Variants in KIF16B observed in about 807,000 individuals in gnomAD.
KIF16B encodes the protein kinesin family member 16B, also known as kinesin-like protein KIF16B.
A neutral mutation model predicts 156.3 loss-of-function variants in KIF16B; 98 were observed. The ratio of observed to expected loss-of-function variants is 0.63; its 90% confidence interval spans 0.53 to 0.74. The LOEUF (loss-of-function observed/expected upper bound fraction) is 0.74. Among genes scored for constraint, KIF16B ranks in the 30% least tolerant of loss-of-function variants. The pLI is 0.00. For missense variants in KIF16B, 1,421 were observed against 1,606.5 expected (o/e 0.88, Z 1.97); for synonymous variants, 564 against 583.7 (o/e 0.97, Z 0.49).
intron 10 of KIF16B, among the ~76,000 whole-genome samples, chr20:16,503,528 G>A (rs76340076): frequency 0.017 from 2,555 of 152,214 alleles, 34 homozygotes; most frequent in Middle Eastern, 0.027. Flanking sequence ...ATCCCACGTG[G>A]AAAGCACTGC....
intron 17 of KIF16B, among the ~76,000 whole-genome samples, chr20:16,392,478 T>G (rs1411587189): frequency 6.6e-6 from 1 of 152,156 alleles, no homozygotes; most frequent in East Asian, 1.9e-4. Flanking sequence ...GAAGGGAAAC[T>G]TGAAGATGCA....
At chr20:16,316,243 G>A (rs184846286) in intron 24 of KIF16B, among the ~76,000 whole-genome samples, 1 of 152,232 alleles carries the variant, frequency 6.6e-6, no homozygotes, top group East Asian at 1.9e-4. Flanking sequence ...TGCGTTATCT[G>A]CCAAGTAAAA....
intron 17 of KIF16B, among the ~76,000 whole-genome samples, chr20:16,393,090 C>A (rs932701766): frequency 1.3e-5 from 2 of 152,106 alleles, no homozygotes; most frequent in Non-Finnish European, 2.9e-5. Context: ...AACTGTATAT[C>A]TAGTGCAATC....
At chr20:16,367,520 G>A in intron 22 of KIF16B, 1 of 1,612,888 alleles carries the variant, frequency 6.2e-7, no homozygotes, top group Non-Finnish European at 8.5e-7. Flanking sequence ...GTGTTCAGAA[G>A]GACTAGCGAC....
At chr20:16,392,556 G>GC (rs1385701245) in intron 17 of KIF16B, among the ~76,000 whole-genome samples, 7 of 152,204 alleles carry the variant, frequency 4.6e-5, no homozygotes, top group African/African-American at 1.7e-4. Flanking sequence ...GAAGAGCTTT[G>GC]CAAGTCCACC....
At chr20:16,293,738 T>C (rs2063344497) in intron 25 of KIF16B, among the ~76,000 whole-genome samples, 2 of 152,114 alleles carry the variant, frequency 1.3e-5, no homozygotes, top group African/African-American at 4.8e-5. Flanking sequence ...GCTGTATTTA[T>C]GAAACACCTG....
In KIF16B at chr20:16,561,184, C is replaced by T. The variant is rs185220528; in HGVS notation, c.47+12045G>A. Among the ~76,000 whole-genome samples the T allele has an allele frequency of 2.6e-4, 40 of 152,138 alleles. No homozygotes were observed. In the East Asian group the frequency reaches 7.8e-3, roughly 29 times the overall value. ...TGGCGGGTATCTGTAATGCCAGCTA[C>T]TCAAGAGGCTGAGGCATAAGAATTG... On this transcript the variant is annotated intron_variant, in intron 1 of 25. Coordinates refer to ENST00000354981, the MANE Select transcript of KIF16B (RefSeq NM_024704.5).
At position 16,547,738 on chromosome 20, in the gene KIF16B, G is replaced by C. The variant is rs73244227; in HGVS notation, c.48-19298C>G. On this transcript the variant is annotated intron_variant, in intron 1 of 25. Transcript: ENST00000354981. The stretch of plus-strand genomic sequence containing the variant: ...AGAAATAGCAACACTCTAAACACAT[G>C]CATTATTTTCATTTTGCTGTCATCC... Among the ~76,000 whole-genome samples the C allele has an allele frequency of 3.7e-3, 557 of 152,286 alleles. 2 individuals carry two copies. The highest frequency in any genetic ancestry group is 0.013 in the African/African-American group (539 of 41,556).
chr20:16,414,170 T>C (rs2066029174), intron 15 of KIF16B, among the ~76,000 whole-genome samples: 2 of 152,038 alleles, frequency 1.3e-5, no homozygotes, highest in Non-Finnish European at 2.9e-5. Flanking sequence ...TAGTACTTTT[T>C]CTCTATATCA....
At chr20:16,296,091 T>C (rs866491038) in intron 25 of KIF16B, among the ~76,000 whole-genome samples, 6 of 152,270 alleles carry the variant, frequency 3.9e-5, no homozygotes, top group Middle Eastern at 3.4e-3. Context: ...AGCATCTATG[T>C]GAACTGTAAA....
At chr20:16,436,197 T>C (rs2066636582) in intron 12 of KIF16B, among the ~76,000 whole-genome samples, 1 of 152,152 alleles carries the variant, frequency 6.6e-6, no homozygotes, top group Non-Finnish European at 1.5e-5. Flanking sequence ...TGCCCTAACA[T>C]AGGATGGGAA....
chr20:16,348,596 A>T (rs2064277357), intron 23 of KIF16B, among the ~76,000 whole-genome samples: 2 of 152,204 alleles, frequency 1.3e-5, no homozygotes, highest in African/African-American at 2.4e-5. Flanking sequence ...CGAGAGCAGG[A>T]GTCTACCATA....
At chr20:16,361,317 T>C (rs968167021) in intron 22 of KIF16B, among the ~76,000 whole-genome samples, 1 of 152,202 alleles carries the variant, frequency 6.6e-6, no homozygotes, top group Non-Finnish European at 1.5e-5. Context: ...AGATTTGTTA[T>C]AGCCTCAAAC....
chr20:16,453,475 G>T (rs1050748697), intron 12 of KIF16B, among the ~76,000 whole-genome samples: 1 of 151,860 alleles, frequency 6.6e-6, no homozygotes, highest in Non-Finnish European at 1.5e-5. Flanking sequence ...ACTTCTACAT[G>T]ATTCACATCC....
At chr20:16,378,662 A>G (rs1465532992) in intron 19 of KIF16B, 143 bp downstream of exon 19, 70 of 810,824 alleles carry the variant, frequency 8.6e-5, no homozygotes, top group Non-Finnish European at 3.8e-6. Flanking sequence ...TCTGGCAAAT[A>G]TAAGCATTTG....
chr20:16,339,302 C>T (rs2064099220), intron 23 of KIF16B, among the ~76,000 whole-genome samples: 2 of 152,176 alleles, frequency 1.3e-5, no homozygotes, highest in African/African-American at 4.8e-5. Flanking sequence ...TCTCCTCCTT[C>T]AAACATCTTT....
chr20:16,378,775 G>A (rs532474556), intron 19 of KIF16B, 30 bp downstream of exon 19: 1 of 1,552,030 alleles, frequency 6.4e-7, no homozygotes, highest in South Asian at 1.3e-5. Flanking sequence ...GGCACCCACT[G>A]TATGCCACAC....
chr20:16,560,255 T>C (rs1209403205), intron 1 of KIF16B, among the ~76,000 whole-genome samples: 1 of 152,024 alleles, frequency 6.6e-6, no homozygotes, highest in African/African-American at 2.4e-5. Context: ...ATCTGGCAAA[T>C]TGATTGAATT....
At chr20:16,411,490 G>A (rs1166838733) in intron 15 of KIF16B, among the ~76,000 whole-genome samples, 1 of 151,922 alleles carries the variant, frequency 6.6e-6, no homozygotes, top group African/African-American at 2.4e-5. Context: ...TGGTTCCTGT[G>A]TTTCTTATCA....
Sources: allele counts gnomAD v4.1 joint callset (sites outside exome capture counted in the v4.1 genomes callset), GRCh38; gene constraint gnomAD v4.1.1; transcripts MANE v1.5; gene names NCBI Gene and HGNC (gene_info 2026-07-23, HGNC 2026-07-21).